LRWD1: variants seen among roughly 807,000 people sequenced by gnomAD.
LRWD1 encodes leucine-rich repeat and WD repeat-containing protein 1.
Under a neutral mutation model 75.6 loss-of-function variants are expected in LRWD1, and 76 were observed. The observed-to-expected ratio is 1.01, with a 90% CI of 0.84 to 1.22. The LOEUF (loss-of-function observed/expected upper bound fraction) is 1.22, where lower values mean the gene tolerates loss of function less well. Ranked by LOEUF, LRWD1 falls within the 50% of genes most tolerant of loss-of-function variation. The pLI, the probability that LRWD1 is intolerant of heterozygous loss-of-function variation, is 0.00. For missense variants in LRWD1, 917 were observed against 862.0 expected, an observed-to-expected ratio of 1.06 and a Z score of -0.80; for synonymous variants, 487 against 377.0, an observed-to-expected ratio of 1.29 and a Z score of -3.38.
chr7:102,469,932 G>A, intron 11 of LRWD1, 50 bp downstream of exon 11: 2 of 1,455,724 alleles, frequency 1.4e-6, no homozygotes, highest in Non-Finnish European at 1.8e-6. Flanking sequence ...GCAGAGGGTG[G>A]CTGTTGGCCC....
At chr7:102,467,661 G>A (rs1370587412) in intron 4 of LRWD1, 58 bp from the exon 5 acceptor site, 1 of 1,520,092 alleles carries the variant, frequency 6.6e-7, no homozygotes, top group Non-Finnish European at 8.9e-7. Flanking sequence ...CTATGCATCG[G>A]CAGGGCTGGG....
chr7:102,466,824 A>G (rs1586737782), intron 3 of LRWD1, among the ~76,000 whole-genome samples: 1 of 117,820 alleles, frequency 8.5e-6, no homozygotes, highest in Admixed American at 1.2e-4. Context: ...TCTGCTGCCC[A>G]TGTTGAAGTG....
Position 102,473,122 on chromosome 7 carries a change from G to A in LRWD1, c.*73G>A. On this transcript the variant is annotated 3_prime_UTR_variant, in exon 15 of 15. Coordinates refer to ENST00000292616, the MANE Select transcript of LRWD1 (RefSeq NM_152892.3). ...AGCTTTGGGCCGATGGGGGTGGGGG[G>A]GGGTCTTTCAGTGAATATTTTTATT... is the stretch of plus-strand genomic sequence containing the variant. The A allele has an allele frequency of 2.7e-6, 4 of 1,462,682 alleles. No homozygotes were observed. Among genetic ancestry groups the A allele is most frequent in the Admixed American group, 2.2e-5 (1 of 46,500 alleles). 90.6% of individuals were successfully genotyped at this position (1,462,682 alleles called of 1,614,324 possible).
Position 102,468,648 on chromosome 7 carries a change from C to T in LRWD1, c.1014C>T (p.Pro338=), listed in dbSNP as rs368307560. Residue 338 remains proline, a synonymous_variant, in exon 8 of 15, where the codon CCC becomes CCT. Transcript: ENST00000292616. ...TGIVLHKYKA[P]GEEFFSVAWT... The stretch of plus-strand genomic sequence containing the variant: ...TCGTGCTCCACAAGTACAAGGCACC[C>T]GGCGAGGTGAGTGCAAGGCCCTGTC... The T allele has an allele frequency of 6.4e-5, 100 of 1,564,372 alleles. No homozygotes were observed. The Middle Eastern group carries it at 1.3e-3, about 21-fold the overall frequency.
rs1354411379 is a variant in LRWD1 at position 102,466,145 on chromosome 7, CT to C, written c.316-7del. ...CCTGAGCCACTGCTCTTCACCCTCT[CT>C]TCCCCAGGTCAATGACAACCTGAAA... On this transcript the variant is annotated splice_region_variant and splice_polypyrimidine_tract_variant and intron_variant, in intron 2 of 14. Coordinates refer to ENST00000292616, the MANE Select transcript of LRWD1 (RefSeq NM_152892.3). The C allele has an allele frequency of 6.2e-7, 1 of 1,613,716 alleles. No individual in the cohort carries two copies. The highest frequency in any genetic ancestry group is 8.5e-7 in the Non-Finnish European group (1 of 1,179,706).
At chr7:102,467,279 A>T in intron 3 of LRWD1, 60 bp from the exon 4 acceptor site, 1 of 1,534,004 alleles carries the variant, frequency 6.5e-7, no homozygotes, top group Non-Finnish European at 8.8e-7. Context: ...CCTGAGATGG[A>T]GGGCTGGGTC....
At chr7:102,467,171 G>GTGTGTGTGTCT (rs1554579596) in intron 3 of LRWD1, among the ~76,000 whole-genome samples, 168 bp from the exon 4 acceptor site, 3 of 99,148 alleles carry the variant, frequency 3.0e-5, no homozygotes, top group African/African-American at 8.8e-5. Flanking sequence ...GTGTGTGTGG[G>GTGTGTGTGTCT]GTGTGTGTGT....
chr7:102,468,286 G>A lies in LRWD1; in HGVS notation c.828G>A (p.Leu276=). 2 of 1,611,024 alleles carry A rather than the reference G, an allele frequency of 1.2e-6. No homozygotes were observed. The highest frequency in any genetic ancestry group is 1.1e-5 in the South Asian group (1 of 90,388). ...GSQPAVKLEP[L]HFLQCHSKNN... is the part of the protein sequence containing the mutation. ...AGCCTGCTGTGAAGCTGGAGCCCCTGCACTTCCTGCAGTGCCACAGCAAGA... is the reference window on the plus strand; with the variant it reads ...AGCCTGCTGTGAAGCTGGAGCCCCTACACTTCCTGCAGTGCCACAGCAAGA... The change falls in exon 7 of 15, where the codon CTG becomes CTA. Residue 276 remains leucine, a synonymous_variant. Coordinates refer to ENST00000292616, the MANE Select transcript of LRWD1 (RefSeq NM_152892.3).
intron 3 of LRWD1, among the ~76,000 whole-genome samples, chr7:102,466,983 G>GT (rs1313795454): frequency 1.3e-5 from 2 of 151,108 alleles, no homozygotes. Flanking sequence ...ATCTTGCTCT[G>GT]TTCCCCAGGC....
At chr7:102,472,091 G>C (rs1586744513) in intron 11 of LRWD1, 127 bp from the exon 12 acceptor site, 2 of 828,236 alleles carry the variant, frequency 2.4e-6, no homozygotes, top group Admixed American at 4.3e-5. Context: ...GTATCTCTTT[G>C]GTGGCATCTT....
Position 102,472,523 on chromosome 7 carries a change from G to A in LRWD1, c.1604G>A (p.Ser535Asn), listed in dbSNP as rs753056744. 1.9e-6 allele frequency: 3 copies of A among 1,571,230 alleles called. No individual in the cohort carries two copies. The African/African-American group carries it at 4.0e-5, about 21-fold the overall frequency. The change falls in exon 13 of 15, where the codon AGC (serine) becomes AAC (asparagine). Residue 535 changes from serine to asparagine, a missense_variant. By Grantham distance (46) the Ser-to-Asn change is conservative. Coordinates refer to ENST00000292616, the MANE Select transcript of LRWD1 (RefSeq NM_152892.3). ...SWRQTWGGRG[S>N]QSTVAVVVLA... ...AGGCAGACGTGGGGGGGCCGGGGCAGCCAGTCCACGGTGGCAGTGGTGGTC... is the reference window on the plus strand; with the variant it reads ...AGGCAGACGTGGGGGGGCCGGGGCAACCAGTCCACGGTGGCAGTGGTGGTC...
Position 102,472,500 on chromosome 7 carries a change from G to A in LRWD1, c.1581G>A (p.Arg527=). The A allele has an allele frequency of 2.6e-6, 4 of 1,548,740 alleles. No homozygotes were observed. Among genetic ancestry groups the A allele is most frequent in the Non-Finnish European group, 3.5e-6 (4 of 1,147,040 alleles). ...GCACCATCTGCCTGTGGAGCTGGAG[G>A]CAGACGTGGGGGGGCCGGGGCAGCC... ...GLGTICLWSW[R]QTWGGRGSQS... The change falls in exon 13 of 15, where the codon AGG becomes AGA. Residue 527 remains arginine (R), a synonymous_variant. Transcript: ENST00000292616.
Position 102,465,059 on chromosome 7 carries a change from G to A in LRWD1, c.-22G>A, listed in dbSNP as rs1343745590. On this transcript the variant is annotated 5_prime_UTR_variant, in exon 1 of 15. Transcript: ENST00000292616. ...CACGCCGGGGTGGCCGACTGGGTCAGCGCGGGCTGCGCCTCCTCGCCATGG... is the reference window on the plus strand; with the variant it reads ...CACGCCGGGGTGGCCGACTGGGTCAACGCGGGCTGCGCCTCCTCGCCATGG... 1.4e-6 allele frequency: 2 copies of A among 1,475,526 alleles called. No individual in the cohort carries two copies. The highest frequency in any genetic ancestry group is 2.6e-5 in the Admixed American group (1 of 38,512). 91.4% of individuals were successfully genotyped at this position (1,475,526 alleles called of 1,614,324 possible).
In LRWD1 at chr7:102,465,992, G is replaced by C; in HGVS notation, c.256G>C (p.Ala86Pro). The C allele has an allele frequency of 6.2e-7, 1 of 1,614,024 alleles. No individual in the cohort carries two copies. Among genetic ancestry groups the C allele is most frequent in the African/African-American group, 1.3e-5 (1 of 75,050 alleles). ...CAACAACCAGCTGGGGGATGTTACTGCCTTGTGCCAGTTCCCCAAGCTCGA... is the reference window on the plus strand; with the variant it reads ...CAACAACCAGCTGGGGGATGTTACTCCCTTGTGCCAGTTCCCCAAGCTCGA... ...CANNQLGDVT[A>P]LCQFPKLEEL... The change falls in exon 2 of 15, where the codon GCC becomes CCC. Residue 86 changes from alanine (A) to proline (P), a missense_variant. By Grantham distance (27) the Ala-to-Pro change is conservative. Coordinates refer to ENST00000292616, the MANE Select transcript of LRWD1 (RefSeq NM_152892.3).
At position 102,467,551 on chromosome 7, in the gene LRWD1, T is replaced by C. The variant is rs988038417; in HGVS notation, c.573+72T>C. ...CTAGCTGCCTGGAGGTCCCTGGCCA[T>C]GAAGGGCTGAGGGGCTGTGGGAGTG... On this transcript the variant is annotated intron_variant, in intron 4 of 14. Transcript: ENST00000292616. 2.5e-6 allele frequency: 4 copies of C among 1,587,948 alleles called. No homozygotes were observed. In the East Asian group the frequency reaches 6.8e-5, roughly 27 times the overall value.
intron 11 of LRWD1, 136 bp downstream of exon 11, chr7:102,470,018 C>A: frequency 9.2e-7 from 1 of 1,088,058 alleles, no homozygotes; most frequent in Non-Finnish European, 1.3e-6. Context: ...GCAGAGCTGG[C>A]TTGTCCCACC....
intron 11 of LRWD1, chr7:102,471,002 C>T (rs1429572516): frequency 6.6e-6 from 1 of 152,208 alleles, no homozygotes; most frequent in Non-Finnish European, 1.5e-5. Flanking sequence ...GATCTCGGCT[C>T]ACTGCAATTT....
chr7:102,465,286 A>G (rs1797924011), intron 1 of LRWD1, 126 bp downstream of exon 1: 4 of 978,400 alleles, frequency 4.1e-6, no homozygotes, highest in Non-Finnish European at 5.6e-6. Context: ...AGTGGTCCAA[A>G]TGTCTTCTTG....
At chr7:102,466,390 G>GC in intron 3 of LRWD1, 120 bp downstream of exon 3, 1 of 737,502 alleles carries the variant, frequency 1.4e-6, no homozygotes, top group East Asian at 2.6e-5. Context: ...TGCCCCAACA[G>GC]CCCCTAGCCT....
Sources: allele counts gnomAD v4.1 joint callset (sites outside exome capture counted in the v4.1 genomes callset), GRCh38; gene constraint gnomAD v4.1.1; transcripts MANE v1.5; gene names NCBI Gene and HGNC (gene_info 2026-07-23, HGNC 2026-07-21).